The following GRID1 variants were observed in gnomAD, a reference collection of about 807,000 sequenced individuals.
GRID1 encodes the protein glutamate receptor ionotropic, delta-1.
A neutral mutation model predicts 98.0 loss-of-function variants in GRID1; 28 were observed. That is an observed-to-expected ratio of 0.29 (90% confidence interval 0.21 to 0.39). GRID1 has a LOEUF of 0.39. Ranked by LOEUF, GRID1 falls within the 10% of genes least tolerant of loss-of-function variation. GRID1 has a pLI of 1.00. For synonymous variants in GRID1, 553 were observed against 538.5 expected, an observed-to-expected ratio of 1.03 and a Z score of -0.37; for missense variants, 1,111 against 1,340.5, an observed-to-expected ratio of 0.83 and a Z score of 2.67.
intron 5 of GRID1, among the ~76,000 whole-genome samples, chr10:85,914,572 C>T (rs1352655933): frequency 6.6e-6 from 1 of 152,088 alleles, no homozygotes; most frequent in Non-Finnish European, 1.5e-5. Flanking sequence ...ACTGCACGTC[C>T]CCAGCTGCCC....
intron 4 of GRID1, among the ~76,000 whole-genome samples, chr10:86,056,514 T>C (rs1213639940): frequency 1.3e-5 from 2 of 152,220 alleles, no homozygotes; most frequent in African/African-American, 2.4e-5. Flanking sequence ...TAGGATCTGC[T>C]TATGAATTCC....
intron 8 of GRID1, among the ~76,000 whole-genome samples, chr10:85,835,944 A>G (rs1232393069): frequency 6.6e-6 from 1 of 152,226 alleles, no homozygotes; most frequent in Non-Finnish European, 1.5e-5. Context: ...CATAAATCAA[A>G]TAGTAAATTT....
chr10:85,854,076 G>C (rs1278593720), intron 8 of GRID1, among the ~76,000 whole-genome samples: 1 of 152,126 alleles, frequency 6.6e-6, no homozygotes, highest in Non-Finnish European at 1.5e-5. Context: ...TTCTGTTTGT[G>C]GCCTTGTCTC....
In GRID1 at chr10:85,983,087, T is replaced by C. The variant is rs527938425; in HGVS notation, c.727-66848A>G. 7.2e-5 allele frequency among the ~76,000 whole-genome samples: 11 copies of C among 152,316 alleles called. 1 individual carries two copies. The South Asian group carries it at 2.1e-3, about 29-fold the overall frequency. ...GGAAACTGGAGTGTGGAAAGCTGCC[T>C]GAGTGGAGAGCCAGCCATGGCCTGG... On this transcript the variant is annotated intron_variant, in intron 4 of 15. Transcript: ENST00000327946.
At chr10:86,350,019 T>C (rs529004461) in intron 2 of GRID1, among the ~76,000 whole-genome samples, 31 of 152,178 alleles carry the variant, frequency 2.0e-4, no homozygotes, top group African/African-American at 6.5e-4. Context: ...TCTGAGGAGG[T>C]AAGATCAGAG....
chr10:86,076,619 G>T (rs912848692), intron 4 of GRID1, among the ~76,000 whole-genome samples: 1 of 152,196 alleles, frequency 6.6e-6, no homozygotes, highest in African/African-American at 2.4e-5. Context: ...TCATGTTGCA[G>T]TTCAAGTTCA....
intron 3 of GRID1, among the ~76,000 whole-genome samples, chr10:86,141,163 G>C (rs1342581450): frequency 6.6e-6 from 1 of 152,082 alleles, no homozygotes; most frequent in African/African-American, 2.4e-5. Flanking sequence ...AGTGAAGAAA[G>C]GTAGCCAACT....
At chr10:85,606,089 A>G (rs1842657759) in intron 15 of GRID1, 1 of 152,208 alleles carries the variant, frequency 6.6e-6, no homozygotes, top group Admixed American at 6.5e-5. Context: ...CTGAATGTGG[A>G]GATAACTAGT....
chr10:86,336,706 G>A (rs761638167), intron 2 of GRID1, among the ~76,000 whole-genome samples: 2 of 152,220 alleles, frequency 1.3e-5, no homozygotes, highest in Admixed American at 1.3e-4. Context: ...AAGGCAACAC[G>A]CAGAGTCATA....
At chr10:86,330,729 AG>A (rs1233707407) in intron 2 of GRID1, among the ~76,000 whole-genome samples, 1 of 152,214 alleles carries the variant, frequency 6.6e-6, no homozygotes, top group Admixed American at 6.5e-5. Context: ...AGCAAATCTC[AG>A]GTGAGGCCAG....
chr10:86,333,188 C>T (rs1459428553), intron 2 of GRID1, among the ~76,000 whole-genome samples: 1 of 152,210 alleles, frequency 6.6e-6, no homozygotes, highest in East Asian at 1.9e-4. Flanking sequence ...CTCATCTCTG[C>T]TTAGAATGCC....
At chr10:86,017,480 C>G (rs113754761) in intron 4 of GRID1, among the ~76,000 whole-genome samples, 4,694 of 152,296 alleles carry the variant, frequency 0.031, 226 homozygotes, top group African/African-American at 0.1. Flanking sequence ...GACAGAACTA[C>G]GCACCAGGCT....
At chr10:85,989,871 A>C (rs2131867252) in intron 4 of GRID1, among the ~76,000 whole-genome samples, 1 of 152,240 alleles carries the variant, frequency 6.6e-6, no homozygotes, top group South Asian at 2.1e-4. Context: ...AGGACATGGA[A>C]CCTTTGGGAG....
chr10:86,181,151 C>T (rs1267566775), intron 3 of GRID1, among the ~76,000 whole-genome samples: 2 of 152,210 alleles, frequency 1.3e-5, no homozygotes, highest in East Asian at 3.9e-4. Flanking sequence ...GGCACGTTCC[C>T]TGGTATTTGC....
chr10:85,998,647 C>G (rs1039076455), intron 4 of GRID1, among the ~76,000 whole-genome samples: 2 of 152,008 alleles, frequency 1.3e-5, no homozygotes, highest in African/African-American at 4.8e-5. Flanking sequence ...TAATAAAGAT[C>G]AGAAATCAAA....
chr10:85,965,786 A>T (rs939956019), intron 4 of GRID1, among the ~76,000 whole-genome samples: 9 of 110,000 alleles, frequency 8.2e-5, no homozygotes, highest in South Asian at 6.8e-4. Flanking sequence ...AAAATATAAT[A>T]AAAAAAAAAA....
At chr10:86,204,636 G>A (rs1016903513) in intron 3 of GRID1, among the ~76,000 whole-genome samples, 7 of 152,246 alleles carry the variant, frequency 4.6e-5, no homozygotes, top group Non-Finnish European at 1.0e-4. Context: ...AGCCCAGGCG[G>A]GTGGGCAGGC....
At chr10:85,970,285 A>G (rs1417950261) in intron 4 of GRID1, among the ~76,000 whole-genome samples, 1 of 152,114 alleles carries the variant, frequency 6.6e-6, no homozygotes, top group Non-Finnish European at 1.5e-5. Flanking sequence ...TCCAAAAAAT[A>G]GAATAGGAGG....
At chr10:85,885,074 G>T (rs1298467604) in intron 5 of GRID1, among the ~76,000 whole-genome samples, 4 of 152,074 alleles carry the variant, frequency 2.6e-5, no homozygotes, top group African/African-American at 9.7e-5. Flanking sequence ...AAAAAGAATC[G>T]CTGTCTCTAA....
Sources: allele counts gnomAD v4.1 joint callset (sites outside exome capture counted in the v4.1 genomes callset), GRCh38; gene constraint gnomAD v4.1.1; transcripts MANE v1.5; gene names NCBI Gene and HGNC (gene_info 2026-07-23, HGNC 2026-07-21).